Variants in EXOC3L2 observed in about 807,000 individuals in gnomAD.
EXOC3L2 encodes exocyst complex component 3-like protein 2.
Under a neutral mutation model 44.4 loss-of-function variants are expected in EXOC3L2, and 17 were observed. The ratio of observed to expected loss-of-function variants is 0.38; its 90% CI spans 0.26 to 0.57. EXOC3L2 has a LOEUF of 0.57. EXOC3L2 is among the 20% of genes least tolerant of loss of function. EXOC3L2 has a pLI of 0.65. For synonymous variants in EXOC3L2, 256 were observed against 253.7 expected (o/e 1.01, Z -0.09); for missense variants, 541 against 588.4 (o/e 0.92, Z 0.83).
intron 11 of EXOC3L2, among the ~76,000 whole-genome samples, chr19:45,213,559 A>G (rs1348337320): frequency 6.6e-6 from 1 of 151,742 alleles, no homozygotes; most frequent in Non-Finnish European, 1.5e-5. Flanking sequence ...CCAGAACTTC[A>G]CTTCCAACCA....
intron 9 of EXOC3L2, 90 bp downstream of exon 9, chr19:45,218,107 C>G (rs1969856503): frequency 7.1e-7 from 1 of 1,405,276 alleles, no homozygotes; most frequent in African/African-American, 1.4e-5. Context: ...CTCTCCCAAC[C>G]TCCCAATCTC....
intron 8 of EXOC3L2, among the ~76,000 whole-genome samples, chr19:45,221,037 C>CG (rs1194606521): frequency 2.5e-5 from 2 of 80,656 alleles, no homozygotes; most frequent in South Asian, 3.9e-4. Flanking sequence ...GAGACAGGGG[C>CG]GGGGGGAGGG....
At chr19:45,220,866 G>C (rs1470241628) in intron 8 of EXOC3L2, among the ~76,000 whole-genome samples, 1 of 151,792 alleles carries the variant, frequency 6.6e-6, no homozygotes, top group Non-Finnish European at 1.5e-5. Flanking sequence ...GGGGAAAGTG[G>C]AGATAGGGAG....
At position 45,212,618 on chromosome 19, in the gene EXOC3L2, T is replaced by C. The variant is rs1003133794; in HGVS notation, c.*451A>G. 7.5e-6 allele frequency: 1 copy of C among 133,322 alleles called. No individual in the cohort carries two copies. Among genetic ancestry groups the C allele is most frequent in the Admixed American group, 7.7e-5 (1 of 12,960 alleles). 8.3% of individuals were successfully genotyped at this position (133,322 alleles called of 1,614,324 possible). A position where few individuals can be genotyped will look rare whatever the true frequency, so the allele number is the denominator to read the frequency against. Reference sequence around the variant, plus strand: ...CCTACCTTTTTTTTTTTTTTTTTTTTTTGAGAAAGGGTCTTGCTTTGTTGA... The same window carrying C: ...CCTACCTTTTTTTTTTTTTTTTTTTCTTGAGAAAGGGTCTTGCTTTGTTGA... On this transcript the variant is annotated 3_prime_UTR_variant, in exon 12 of 12. Coordinates refer to ENST00000413988, the MANE Select transcript of EXOC3L2 (RefSeq NM_001382422.1).
rs565898615 is a variant in EXOC3L2, at chr19:45,239,796, A to G, written c.-16-735T>C. On this transcript the variant is annotated intron_variant, in intron 1 of 11. Coordinates refer to ENST00000413988, the MANE Select transcript of EXOC3L2 (RefSeq NM_001382422.1). ...CAGCCTCCCAAAGTGCTGGGATTAC[A>G]AGAGTGAGCCACCTCTGCTGGCCTG... 2.7e-3 allele frequency among the ~76,000 whole-genome samples: 414 copies of G among 152,252 alleles called. 2 individuals are homozygous for G. The highest frequency in any genetic ancestry group is 4.7e-3 in the Non-Finnish European group (318 of 68,024).
At chr19:45,228,997 G>A (rs1179257267) in intron 4 of EXOC3L2, among the ~76,000 whole-genome samples, 3 of 151,520 alleles carry the variant, frequency 2.0e-5, no homozygotes, top group Admixed American at 6.6e-5. Flanking sequence ...CGTGAACCCG[G>A]GAGACGGAGC....
At chr19:45,224,554 A>G (rs980740053) in intron 8 of EXOC3L2, among the ~76,000 whole-genome samples, 33 of 151,994 alleles carry the variant, frequency 2.2e-4, no homozygotes, top group African/African-American at 7.3e-4. Flanking sequence ...GAGGGGCTCC[A>G]TCCAAACCTC....
At chr19:45,244,562 C>G (rs952006466) in intron 1 of EXOC3L2, among the ~76,000 whole-genome samples, 4 of 152,140 alleles carry the variant, frequency 2.6e-5, no homozygotes, top group African/African-American at 9.7e-5. Flanking sequence ...AGTGCCCAGC[C>G]CCTGACTCAC....
At chr19:45,217,907 G>A (rs2122958287) in intron 9 of EXOC3L2, among the ~76,000 whole-genome samples, 1 of 151,984 alleles carries the variant, frequency 6.6e-6, no homozygotes, top group South Asian at 2.1e-4. Flanking sequence ...TCCCCAAAGG[G>A]TGCTCCATCC....
chr19:45,224,283 T>C (rs985076828), intron 8 of EXOC3L2, among the ~76,000 whole-genome samples: 1 of 152,020 alleles, frequency 6.6e-6, no homozygotes, highest in Admixed American at 6.6e-5. Context: ...GCATTTGCTC[T>C]GCGTGAGCTG....
chr19:45,213,230 G>T lies in EXOC3L2; in HGVS notation c.2248C>A (p.Arg750Ser). The change falls in exon 12 of 12, where the codon CGT (arginine) becomes AGT (serine). Residue 750 changes from arginine to serine, a missense_variant. By Grantham distance (110) the Arg-to-Ser change is moderately radical. Coordinates refer to ENST00000413988, the MANE Select transcript of EXOC3L2 (RefSeq NM_001382422.1). ...EEGALSPPRD[R>S]AFFADIPVPR... ...ACAGGGATGTCTGCAAAGAAGGCAC[G>T]GTCCCGAGGGGGTGACAGGGCTCCC... 1 of 1,612,292 alleles carries T rather than the reference G, an allele frequency of 6.2e-7. No individual in the cohort carries two copies. The highest frequency in any genetic ancestry group is 8.5e-7 in the Non-Finnish European group (1 of 1,179,214).
chr19:45,223,216 C>T (rs758712111), intron 8 of EXOC3L2, among the ~76,000 whole-genome samples: 3 of 152,062 alleles, frequency 2.0e-5, no homozygotes, highest in Non-Finnish European at 2.9e-5. Flanking sequence ...GGTGAAACCC[C>T]GTCTCTACTA....
chr19:45,212,593 C>T lies in EXOC3L2; in HGVS notation c.*476G>A, dbSNP rs1969785542. 1 of 144,656 alleles carries T rather than the reference C, an allele frequency of 6.9e-6. No individual in the cohort carries two copies. The highest frequency in any genetic ancestry group is 1.5e-5 in the Non-Finnish European group (1 of 67,170). The allele number at this position is 144,656 out of a possible 1,614,324, so 9.0% of individuals were successfully genotyped here. The stretch of plus-strand genomic sequence containing the variant: ...TTTGTCTCTTTGGCCTCTGTTTCCC[C>T]CTACCTTTTTTTTTTTTTTTTTTTT... On this transcript the variant is annotated 3_prime_UTR_variant, in exon 12 of 12. Coordinates refer to ENST00000413988, the MANE Select transcript of EXOC3L2 (RefSeq NM_001382422.1).
At chr19:45,240,631 C>T (rs542350862) in intron 1 of EXOC3L2, among the ~76,000 whole-genome samples, 5 of 152,162 alleles carry the variant, frequency 3.3e-5, no homozygotes, top group Admixed American at 6.6e-5. Flanking sequence ...CGTGGTCGCT[C>T]ATGCCTGTAA....
chr19:45,237,406 T>A (rs1420636868), intron 2 of EXOC3L2, among the ~76,000 whole-genome samples: 2 of 151,748 alleles, frequency 1.3e-5, no homozygotes, highest in African/African-American at 4.8e-5. Context: ...GTGGCTAAGG[T>A]GGGAGGATTG....
rs1157957589 is a variant in EXOC3L2, at chr19:45,238,403, A to T, written c.523+120T>A. The T allele has an allele frequency of 2.5e-6, 1 of 398,884 alleles. No homozygotes were observed. The highest frequency in any genetic ancestry group is 4.4e-6 in the Non-Finnish European group (1 of 226,154). The allele number at this position is 398,884 out of a possible 1,614,324, so 24.7% of individuals were successfully genotyped here. A position where few individuals can be genotyped will look rare whatever the true frequency, so the allele number is the denominator to read the frequency against. On this transcript the variant is annotated intron_variant, in intron 2 of 11. Transcript: ENST00000413988. The surrounding 1 kb of genome is among the most constrained non-coding windows in gnomAD (Gnocchi z 5.5). ...GATGTGAGTTAGACATGTGAATTGC[A>T]GGTCGGGGTCACAGGTGGTAGCTGG...
intron 8 of EXOC3L2, among the ~76,000 whole-genome samples, chr19:45,224,051 G>C (rs1425514900): frequency 6.6e-6 from 1 of 151,990 alleles, no homozygotes; most frequent in African/African-American, 2.4e-5. Context: ...GAGAGGGAGA[G>C]CATTCCAGGC....
chr19:45,231,685 G>T, intron 4 of EXOC3L2, 78 bp downstream of exon 4: 1 of 1,239,518 alleles, frequency 8.1e-7, no homozygotes, highest in South Asian at 1.3e-5. Context: ...AAAGGTGGAG[G>T]GGACAGGCTT....
intron 10 of EXOC3L2, among the ~76,000 whole-genome samples, chr19:45,216,409 T>C (rs895060638): frequency 6.6e-6 from 1 of 151,684 alleles, no homozygotes; most frequent in African/African-American, 2.4e-5. Context: ...TGAAACCCCA[T>C]CTCTACTAAA....
Sources: gnomAD v4.1 joint callset for allele counts (sites outside exome capture counted in the v4.1 genomes callset) on GRCh38, gnomAD v4.1.1 for gene constraint, Gnocchi (gnomAD v3.1) non-coding constraint, MANE v1.5 for transcripts, NCBI Gene and HGNC (gene_info 2026-07-23, HGNC 2026-07-21) for gene names.